The following ABCC9 variants were observed in gnomAD, a reference collection of about 807,000 sequenced individuals.
The protein encoded by ABCC9 is ATP binding cassette subfamily C member 9, also known as ATP-binding cassette sub-family C member 9.
A neutral mutation model predicts 188.3 loss-of-function variants in ABCC9; 95 were observed. That is an observed-to-expected ratio of 0.50 (90% confidence interval 0.43 to 0.60). ABCC9 has a LOEUF of 0.60. ABCC9 is among the 20% of genes least tolerant of loss of function. The pLI, the probability that ABCC9 is intolerant of heterozygous loss-of-function variation, is 0.00. For synonymous variants in ABCC9, 659 were observed against 652.7 expected (o/e 1.01, Z -0.15); for missense variants, 1,102 against 1,876.3 (o/e 0.59, Z 7.62).
intron 31 of ABCC9, among the ~76,000 whole-genome samples, chr12:21,822,443 A>C (rs1353942840): frequency 6.6e-6 from 1 of 152,156 alleles, no homozygotes; most frequent in Non-Finnish European, 1.5e-5. Flanking sequence ...AAAATCACTA[A>C]ATTTCAATCA....
chr12:21,850,801 A>G (rs1299478273), intron 24 of ABCC9, among the ~76,000 whole-genome samples: 1 of 152,136 alleles, frequency 6.6e-6, no homozygotes, highest in Non-Finnish European at 1.5e-5. Context: ...TACGTTTAGA[A>G]TCAAGCTTCC....
At chr12:21,898,066 C>T (rs534066702) in intron 12 of ABCC9, among the ~76,000 whole-genome samples, 4 of 152,252 alleles carry the variant, frequency 2.6e-5, no homozygotes, top group South Asian at 2.1e-4. Flanking sequence ...CTTTGCGAGG[C>T]GGAAGCACTT....
chr12:21,895,975 C>T (rs529582008), intron 12 of ABCC9, among the ~76,000 whole-genome samples: 5 of 151,080 alleles, frequency 3.3e-5, no homozygotes, highest in Admixed American at 2.6e-4. Flanking sequence ...TATAGTCATA[C>T]AGTCATAAAC....
At chr12:21,820,238 C>T (rs1201244299) in intron 31 of ABCC9, among the ~76,000 whole-genome samples, 2 of 151,914 alleles carry the variant, frequency 1.3e-5, no homozygotes, top group Non-Finnish European at 2.9e-5. Flanking sequence ...CAAGGTATGT[C>T]TGGCTTGACA....
chr12:21,876,898 A>G (rs773192753), intron 16 of ABCC9, among the ~76,000 whole-genome samples: 5 of 152,218 alleles, frequency 3.3e-5, no homozygotes, highest in Non-Finnish European at 7.3e-5. Context: ...AATAACTTAA[A>G]GAGTGAAAAA....
chr12:21,801,499 G>T (rs181850197), intron 39 of ABCC9, among the ~76,000 whole-genome samples: 1 of 152,262 alleles, frequency 6.6e-6, no homozygotes, highest in East Asian at 1.9e-4. Flanking sequence ...TAAATTAAGA[G>T]AGGCCATTGT....
At chr12:21,850,742 C>T (rs961320580) in intron 24 of ABCC9, among the ~76,000 whole-genome samples, 1 of 152,068 alleles carries the variant, frequency 6.6e-6, no homozygotes, top group African/African-American at 2.4e-5. Context: ...CTTCTTTTGT[C>T]CCTGGCATTT....
chr12:21,886,648 C>A (rs568565029), intron 15 of ABCC9, among the ~76,000 whole-genome samples: 1 of 152,126 alleles, frequency 6.6e-6, no homozygotes, highest in South Asian at 2.1e-4. Context: ...ACTTTGAAAC[C>A]TTCCAATAAT....
At chr12:21,930,340 A>C (rs892052928) in intron 4 of ABCC9, among the ~76,000 whole-genome samples, 1 of 152,188 alleles carries the variant, frequency 6.6e-6, no homozygotes, top group Admixed American at 6.5e-5. Context: ...GATAATTATA[A>C]AAGTGTAACA....
At chr12:21,884,535 G>A (rs977409900) in intron 15 of ABCC9, among the ~76,000 whole-genome samples, 1 of 152,084 alleles carries the variant, frequency 6.6e-6, no homozygotes, top group Non-Finnish European at 1.5e-5. Context: ...TTAGCTTTTT[G>A]AAAAATCCAT....
At chr12:21,848,043 C>T (rs1475511295) in intron 25 of ABCC9, 107 bp downstream of exon 25, 39 of 915,218 alleles carry the variant, frequency 4.3e-5, no homozygotes, top group Admixed American at 1.0e-4. Flanking sequence ...TTAATTTTTT[C>T]CCCTGGCAAA....
chr12:21,915,786 G>A lies in ABCC9; in HGVS notation c.698C>T (p.Thr233Ile). The A allele has an allele frequency of 6.2e-7, 1 of 1,613,394 alleles. No homozygotes were observed. The highest frequency in any genetic ancestry group is 1.1e-5 in the South Asian group (1 of 91,050). The change falls in exon 7 of 40, where the codon ACA becomes ATA. Residue 233 changes from threonine to isoleucine, a missense_variant. Around this residue, in one of 12 missense-constraint regions of ABCC9, gnomAD observed 305 missense variants for 573.0 expected, o/e 0.53. Transcript: ENST00000261200. Reference protein sequence around the residue: ...LSKATYWWMNTLIISAHKKPI... With the variant: ...LSKATYWWMNILIISAHKKPI... The stretch of plus-strand genomic sequence containing the variant: ...CTTTTTGTGAGCAGATATAATAAGT[G>A]TGTTCATCCACCAGTATGTTGCTTT...
intron 38 of ABCC9, 151 bp downstream of exon 38, chr12:21,807,195 G>A (rs1365657640): frequency 1.0e-6 from 1 of 979,918 alleles, no homozygotes; most frequent in Non-Finnish European, 1.6e-6. Context: ...AATTCTCAAT[G>A]TGCTATCATC....
At chr12:21,909,515 G>T (rs1200017664) in intron 10 of ABCC9, among the ~76,000 whole-genome samples, 2 of 151,888 alleles carry the variant, frequency 1.3e-5, no homozygotes, top group Non-Finnish European at 2.9e-5. Context: ...TTTTTACCCA[G>T]CTAGGGGAAG....
intron 39 of ABCC9, 137 bp from the exon 40 acceptor site, chr12:21,801,318 C>T (rs536647460): frequency 9.1e-7 from 1 of 1,101,570 alleles, no homozygotes; most frequent in Non-Finnish European, 1.3e-6. Flanking sequence ...ATCACAGACA[C>T]CTCCCCTTTT....
rs1160729691 is a variant in ABCC9 at position 21,799,623 on chromosome 12, A to G, written c.*1421T>C. 1 of 152,236 alleles carries G rather than the reference A, an allele frequency of 6.6e-6. No individual in the cohort carries two copies. The highest frequency in any genetic ancestry group is 1.5e-5 in the Non-Finnish European group (1 of 68,040). The allele number at this position is 152,236 out of a possible 1,614,324, so 9.4% of individuals were successfully genotyped here. A position where few individuals can be genotyped will look rare whatever the true frequency, so the allele number is the denominator to read the frequency against. ...TCAGGTGAAGACACATATTCTGGAT[A>G]CACAACTATTACATATTTTCCAAGA... is the stretch of plus-strand genomic sequence containing the variant. On this transcript the variant is annotated 3_prime_UTR_variant, in exon 40 of 40. Transcript: ENST00000261200.
intron 31 of ABCC9, among the ~76,000 whole-genome samples, chr12:21,819,626 T>C (rs961724721): frequency 6.6e-6 from 1 of 152,186 alleles, no homozygotes; most frequent in African/African-American, 2.4e-5. Context: ...TCACAAGGAT[T>C]TTTAAAGGAA....
chr12:21,913,503 T>TA, intron 7 of ABCC9, among the ~76,000 whole-genome samples: 1 of 152,306 alleles, frequency 6.6e-6, no homozygotes, highest in Non-Finnish European at 1.5e-5. Flanking sequence ...CTTTTGGAGT[T>TA]ACTACATCAC....
At chr12:21,846,045 T>C (rs1204561718) in intron 25 of ABCC9, among the ~76,000 whole-genome samples, 1 of 152,152 alleles carries the variant, frequency 6.6e-6, no homozygotes, top group Non-Finnish European at 1.5e-5. Flanking sequence ...AAATGTAAAA[T>C]CTACATCTGG....
Sources: allele counts gnomAD v4.1 joint callset (sites outside exome capture counted in the v4.1 genomes callset), GRCh38; gene constraint gnomAD v4.1.1; regional missense constraint gnomAD v4.1.1; transcripts MANE v1.5; gene names NCBI Gene and HGNC (gene_info 2026-07-23, HGNC 2026-07-21).